The following ROBO2 variants were observed in gnomAD, a reference collection of about 807,000 sequenced individuals.
ROBO2 encodes the protein roundabout guidance receptor 2.
A neutral mutation model predicts 160.8 loss-of-function variants in ROBO2; 53 were observed. The observed-to-expected ratio is 0.33, with a 90% CI of 0.26 to 0.41. The LOEUF is 0.41. Ranked by LOEUF, ROBO2 falls within the 10% of genes least tolerant of loss-of-function variation. The pLI, the probability that ROBO2 is intolerant of heterozygous loss-of-function variation, is 1.00. For missense variants in ROBO2, 1,577 were observed against 1,722.4 expected (o/e 0.92, Z 1.49); for synonymous variants, 664 against 611.7 (o/e 1.09, Z -1.26).
chr3:77,278,121 C>G (rs1473247654), intron 2 of ROBO2, among the ~76,000 whole-genome samples: 2 of 152,146 alleles, frequency 1.3e-5, no homozygotes, highest in Admixed American at 6.5e-5. Context: ...GCCCCCTCCT[C>G]TCTAAAGAGA....
chr3:77,526,187 G>A (rs894730964), intron 6 of ROBO2, among the ~76,000 whole-genome samples: 1 of 151,396 alleles, frequency 6.6e-6, no homozygotes, highest in Non-Finnish European at 1.5e-5. Context: ...TATTGCCTAT[G>A]GTCTGAAGCT....
chr3:76,118,020 G>A (rs1001400363), intron 2 of ROBO2, among the ~76,000 whole-genome samples: 5 of 152,030 alleles, frequency 3.3e-5, no homozygotes, highest in African/African-American at 9.7e-5. Context: ...GGGAGGGATG[G>A]CATTAGGAGA....
At chr3:76,325,451 G>A (rs527371618) in intron 2 of ROBO2, among the ~76,000 whole-genome samples, 1 of 152,180 alleles carries the variant, frequency 6.6e-6, no homozygotes, top group Admixed American at 6.5e-5. Context: ...CCTTAGTTTC[G>A]TTTTATAAAT....
intron 2 of ROBO2, among the ~76,000 whole-genome samples, chr3:76,501,549 AC>A (rs1451143995): frequency 1.3e-5 from 2 of 152,228 alleles, no homozygotes. Context: ...GTAGTAGCAG[AC>A]AAAATGGCCT....
At chr3:76,634,845 G>A (rs2090235380) in intron 2 of ROBO2, among the ~76,000 whole-genome samples, 1 of 152,226 alleles carries the variant, frequency 6.6e-6, no homozygotes, top group Non-Finnish European at 1.5e-5. Context: ...TGCGCAGCAG[G>A]CCCACAAGCA....
intron 1 of ROBO2, among the ~76,000 whole-genome samples, chr3:77,088,214 AAGTAAAG>A (rs1297976070): frequency 2.6e-5 from 4 of 152,190 alleles, no homozygotes; most frequent in African/African-American, 9.7e-5. Flanking sequence ...AATGGTAGAT[AAGTAAAG>A]ACCTGAGATA....
At chr3:76,238,801 G>A (rs148056191) in intron 2 of ROBO2, among the ~76,000 whole-genome samples, 3 of 152,242 alleles carry the variant, frequency 2.0e-5, no homozygotes, top group East Asian at 3.9e-4. Flanking sequence ...CCCTAGACAC[G>A]AGGGGATTAT....
At chr3:76,242,302 C>T (rs560482340) in intron 2 of ROBO2, among the ~76,000 whole-genome samples, 6 of 152,222 alleles carry the variant, frequency 3.9e-5, no homozygotes, top group Admixed American at 2.6e-4. Flanking sequence ...TGACCAAATG[C>T]GACTAGGAGG....
At chr3:77,357,485 A>G (rs1403148351) in intron 2 of ROBO2, among the ~76,000 whole-genome samples, 2 of 152,190 alleles carry the variant, frequency 1.3e-5, no homozygotes, top group Non-Finnish European at 1.5e-5. Context: ...CTTTCCAGCT[A>G]CCAGAAGTGT....
intron 2 of ROBO2, among the ~76,000 whole-genome samples, chr3:76,339,366 C>T (rs905855261): frequency 6.6e-6 from 1 of 152,028 alleles, no homozygotes; most frequent in African/African-American, 2.4e-5. Context: ...TTTTGAAACG[C>T]ATGCTTTAGT....
intron 2 of ROBO2, among the ~76,000 whole-genome samples, chr3:76,986,418 A>T: frequency 6.6e-6 from 1 of 152,074 alleles, no homozygotes; most frequent in Admixed American, 6.6e-5. Context: ...TTTCACCAAA[A>T]ATATATATAT....
intron 2 of ROBO2, among the ~76,000 whole-genome samples, chr3:76,603,351 A>AAAAAT (rs1553826368): frequency 7.6e-5 from 2 of 26,406 alleles, no homozygotes; most frequent in Non-Finnish European, 1.2e-4. Context: ...AAAAAAAAAA[A>AAAAAT]ATATATATAT....
chr3:77,009,238 A>G (rs1363196708), intron 2 of ROBO2, among the ~76,000 whole-genome samples: 1 of 152,210 alleles, frequency 6.6e-6, no homozygotes, highest in East Asian at 1.9e-4. Context: ...CAGTTTGTGA[A>G]TATTTACCCT....
intron 24 of ROBO2, among the ~76,000 whole-genome samples, 182 bp downstream of exon 25, chr3:77,635,225 CTA>C (rs2095243720): frequency 6.6e-6 from 1 of 151,538 alleles, no homozygotes; most frequent in Admixed American, 6.6e-5. Flanking sequence ...AGAATTATTT[CTA>C]TATTATTAAG....
intron 2 of ROBO2, among the ~76,000 whole-genome samples, chr3:76,473,525 G>A (rs2078777273): frequency 6.6e-6 from 1 of 152,048 alleles, no homozygotes; most frequent in Admixed American, 6.6e-5. Context: ...AGTTTTGGAG[G>A]TCAACACTTC....
At chr3:76,282,739 G>A (rs1361649289) in intron 2 of ROBO2, among the ~76,000 whole-genome samples, 1 of 151,840 alleles carries the variant, frequency 6.6e-6, no homozygotes, top group Non-Finnish European at 1.5e-5. Flanking sequence ...CAAATCCCAT[G>A]TTTAGTTTCC....
intron 2 of ROBO2, among the ~76,000 whole-genome samples, chr3:76,511,227 T>G (rs2081070740): frequency 6.6e-6 from 1 of 152,186 alleles, no homozygotes; most frequent in Non-Finnish European, 1.5e-5. Flanking sequence ...AAGTTAAGTA[T>G]AAACTTGCTG....
chr3:76,912,446 G>A (rs778397979), intron 2 of ROBO2, among the ~76,000 whole-genome samples: 46 of 152,136 alleles, frequency 3.0e-4, no homozygotes, highest in Admixed American at 5.9e-4. Flanking sequence ...GTTTAAGAAT[G>A]TCCATCAAGG....
intron 2 of ROBO2, among the ~76,000 whole-genome samples, chr3:76,119,801 T>A (rs1407641866): frequency 6.6e-6 from 1 of 151,862 alleles, no homozygotes; most frequent in Non-Finnish European, 1.5e-5. Context: ...GAACAGGAGT[T>A]TTCAAAGACT....
Sources: gnomAD v4.1 joint callset for allele counts (sites outside exome capture counted in the v4.1 genomes callset) on GRCh38, gnomAD v4.1.1 for gene constraint, MANE v1.5 for transcripts, NCBI Gene and HGNC (gene_info 2026-07-23, HGNC 2026-07-21) for gene names.